Variants in COLEC11 observed in about 807,000 individuals in gnomAD.
COLEC11 encodes collectin-11.
In COLEC11, 20 loss-of-function variants were observed where a neutral mutation model predicts 27.3. That is an observed-to-expected ratio of 0.73 (90% CI 0.51 to 1.06). The LOEUF is 1.06. COLEC11 is among the 50% of genes least tolerant of loss of function. COLEC11 has a pLI of 0.00. For missense variants in COLEC11, 310 were observed against 383.0 expected (o/e 0.81, Z 1.59); for synonymous variants, 163 against 154.7 (o/e 1.05, Z -0.40).
chr2:3,635,229 G>A (rs1665314403), intron 3 of COLEC11, among the ~76,000 whole-genome samples: 2 of 151,494 alleles, frequency 1.3e-5, no homozygotes, highest in Non-Finnish European at 2.9e-5. Flanking sequence ...TGCCAGCTGT[G>A]CGTGCCTCAT....
rs542494326 is a variant in COLEC11, at chr2:3,616,522, C to T, written c.202+3140C>T. 5.1e-4 allele frequency among the ~76,000 whole-genome samples: 78 copies of T among 152,336 alleles called. 1 individual carries two copies. Among genetic ancestry groups the T allele is most frequent in the South Asian group, 6.2e-4 (3 of 4,830 alleles). ...CTGCAATCCGGGCACCTCGGGAGGC[C>T]GAGGCTGGCAGATCACTCCCGGTTA... On this transcript the variant is annotated intron_variant, in intron 3 of 6. Coordinates refer to ENST00000349077, the MANE Select transcript of COLEC11 (RefSeq NM_024027.5).
chr2:3,641,781 C>G (rs922943885), intron 5 of COLEC11, among the ~76,000 whole-genome samples: 1 of 152,162 alleles, frequency 6.6e-6, no homozygotes, highest in Admixed American at 6.5e-5. Flanking sequence ...TTGCCGACGT[C>G]CAGAAAGAGG....
At chr2:3,635,050 C>T (rs942237145) in intron 3 of COLEC11, among the ~76,000 whole-genome samples, 1 of 143,560 alleles carries the variant, frequency 7.0e-6, no homozygotes, top group Non-Finnish European at 1.6e-5. Context: ...CCCTCCTGGC[C>T]CTTGTCACCG....
At chr2:3,625,103 A>AC (rs1664439648) in intron 3 of COLEC11, among the ~76,000 whole-genome samples, 1 of 152,352 alleles carries the variant, frequency 6.6e-6, no homozygotes, top group African/African-American at 2.4e-5. Context: ...AAGGATCCAC[A>AC]AACACAATGG....
intron 4 of COLEC11, 30 bp downstream of exon 4, chr2:3,637,634 C>T (rs751190389): frequency 5.8e-6 from 9 of 1,552,660 alleles, no homozygotes; most frequent in African/African-American, 1.4e-5. Flanking sequence ...TGCCTCATTT[C>T]CCCCCTGCCC....
chr2:3,626,091 G>A (rs753562710), intron 3 of COLEC11: 1 of 1,613,046 alleles, frequency 6.2e-7, no homozygotes, highest in African/African-American at 1.3e-5. Flanking sequence ...TGGGATCACA[G>A]GGTAATGGAT....
chr2:3,627,847 A>G (rs1664675815), intron 3 of COLEC11, among the ~76,000 whole-genome samples: 1 of 152,180 alleles, frequency 6.6e-6, no homozygotes, highest in Non-Finnish European at 1.5e-5. Flanking sequence ...GGGCGTGATG[A>G]CAAAGTGGGT....
intron 3 of COLEC11, among the ~76,000 whole-genome samples, chr2:3,624,648 G>C (rs935639786): frequency 6.6e-6 from 1 of 152,154 alleles, no homozygotes; most frequent in East Asian, 1.9e-4. Context: ...TGTGGGAAAC[G>C]GTCACACGGG....
chr2:3,643,422 C>T (rs376804215), intron 5 of COLEC11, 22 bp from the exon 6 acceptor site: 33 of 1,593,352 alleles, frequency 2.1e-5, no homozygotes, highest in South Asian at 7.7e-5. Flanking sequence ...GCGTTTGTAA[C>T]GCGTGGGCCT....
chr2:3,638,980 C>T (rs1170707281), intron 4 of COLEC11, among the ~76,000 whole-genome samples: 1 of 152,230 alleles, frequency 6.6e-6, no homozygotes, highest in Admixed American at 6.5e-5. Context: ...TTCCTCCTCC[C>T]CCAGCCCCGG....
chr2:3,600,621 A>C (rs1234174593), intron 1 of COLEC11, among the ~76,000 whole-genome samples: 2 of 152,226 alleles, frequency 1.3e-5, no homozygotes, highest in Non-Finnish European at 2.9e-5. Context: ...CCAGAGGAGA[A>C]GTTCGCATTC....
rs1360887774 is a variant in COLEC11 at position 3,643,471 on chromosome 2, G to T, written c.356G>T (p.Arg119Leu). 6.8e-6 allele frequency: 11 copies of T among 1,613,684 alleles called. No individual in the cohort carries two copies. The highest frequency in any genetic ancestry group is 2.2e-5 in the East Asian group (1 of 44,878). ...CTCCCATGTGAGTGCAGCCAGCTGC[G>T]CAAGGCCATCGGGGAGATGGACAAC... ...PGLPCECSQL[R>L]KAIGEMDNQV... Residue 119 changes from arginine to leucine, a missense_variant, in exon 6 of 7, where the codon CGC becomes CTC. Coordinates refer to ENST00000349077, the MANE Select transcript of COLEC11 (RefSeq NM_024027.5).
chr2:3,613,457 G>A (rs1663397728), intron 3 of COLEC11, 75 bp downstream of exon 3: 1 of 1,465,692 alleles, frequency 6.8e-7, no homozygotes, highest in Non-Finnish European at 9.3e-7. Flanking sequence ...GGGTGGGGAG[G>A]TGGGGGTGGT....
rs186207248 is a variant in COLEC11 at position 3,609,919 on chromosome 2, C to T, written c.131-3392C>T. On this transcript the variant is annotated intron_variant, in intron 2 of 6. Coordinates refer to ENST00000349077, the MANE Select transcript of COLEC11 (RefSeq NM_024027.5). ...CTTTAAATGATCCTCCTGCCTTGGC[C>T]TCCCAAAGTGCCAGGATCACAGGCA... Among the ~76,000 whole-genome samples, 386 of 152,360 alleles carry T rather than the reference C, an allele frequency of 2.5e-3. 4 individuals are homozygous for T. The highest frequency in any genetic ancestry group is 5.3e-3 in the Admixed American group (81 of 15,302).
chr2:3,625,927 C>A, intron 3 of COLEC11: 3 of 1,278,192 alleles, frequency 2.3e-6, no homozygotes, highest in South Asian at 1.2e-5. Context: ...GCCGCCATAC[C>A]TGGCAGACTT....
At chr2:3,620,988 A>G (rs570056585) in intron 3 of COLEC11, among the ~76,000 whole-genome samples, 5 of 152,140 alleles carry the variant, frequency 3.3e-5, no homozygotes, top group Admixed American at 6.6e-5. Flanking sequence ...TGTGCACTGG[A>G]GAGGAATGTG....
rs760243603 is a variant in COLEC11 at position 3,644,250 on chromosome 2, G to A, written c.*132G>A. The A allele has an allele frequency of 3.4e-6, 4 of 1,160,564 alleles. No homozygotes were observed. The highest frequency in any genetic ancestry group is 5.0e-6 in the Non-Finnish European group (4 of 795,876). 71.9% of individuals were successfully genotyped at this position (1,160,564 alleles called of 1,614,324 possible). The stretch of plus-strand genomic sequence containing the variant: ...GTGGAGGCTCACTGAGTAGAGGGCT[G>A]TTGTCTAAACTGAGAAAATGGCCTA... On this transcript the variant is annotated 3_prime_UTR_variant, in exon 7 of 7. Transcript: ENST00000349077.
At chr2:3,624,604 G>T (rs1307398365) in intron 3 of COLEC11, among the ~76,000 whole-genome samples, 1 of 152,208 alleles carries the variant, frequency 6.6e-6, no homozygotes. Context: ...GCACTGAGCT[G>T]TGTTGCTCAG....
At chr2:3,639,760 G>A (rs1665705719) in intron 4 of COLEC11, among the ~76,000 whole-genome samples, 1 of 135,756 alleles carries the variant, frequency 7.4e-6, no homozygotes, top group Non-Finnish European at 1.5e-5. Flanking sequence ...CCAGGATGGA[G>A]CCCAGGCTCC....
Sources: allele counts gnomAD v4.1 joint callset (sites outside exome capture counted in the v4.1 genomes callset), GRCh38; gene constraint gnomAD v4.1.1; transcripts MANE v1.5; gene names NCBI Gene and HGNC (gene_info 2026-07-23, HGNC 2026-07-21).